Variants in LRRK2 observed in about 807,000 individuals in gnomAD.
LRRK2 encodes leucine rich repeat kinase 2, also known as leucine-rich repeat serine/threonine-protein kinase 2.
In LRRK2, 203 loss-of-function variants were observed where a neutral mutation model predicts 302.6. The observed-to-expected ratio is 0.67, with a 90% CI of 0.60 to 0.75. LRRK2 has a LOEUF of 0.75. Among genes scored for constraint, LRRK2 ranks in the 30% least tolerant of loss-of-function variants. The pLI, the probability that LRRK2 is intolerant of heterozygous loss-of-function variation, is 0.00. For missense variants in LRRK2, 2,830 were observed against 2,951.0 expected (o/e 0.96, Z 0.95); for synonymous variants, 1,066 against 1,031.9 (o/e 1.03, Z -0.63).
In LRRK2 at chr12:40,240,610, G is replaced by A. The variant is rs577327683; in HGVS notation, c.699G>A (p.Ala233=). The change falls in exon 6 of 51, where the codon GCG becomes GCA. Residue 233 remains alanine (A), a synonymous_variant. Coordinates refer to ENST00000298910, the MANE Select transcript of LRRK2 (RefSeq NM_198578.4). ...TGCTGCATTGTTTACATTCCCTAGC[G>A]ATTCCTTGTAAGTAGCATTTAAATG... ...LHVLHCLHSL[A]IPCNNVEVLM... The A allele has an allele frequency of 3.2e-5, 52 of 1,613,048 alleles. No individual in the cohort carries two copies. Among genetic ancestry groups the A allele is most frequent in the Admixed American group, 1.5e-4 (9 of 59,870 alleles).
chr12:40,326,497 A>C (rs12316801), intron 38 of LRRK2, among the ~76,000 whole-genome samples: 14,719 of 151,164 alleles, frequency 0.097, 946 homozygotes, highest in Admixed American at 0.15. Flanking sequence ...AAGAAAAAAA[A>C]AACAACTAGA....
At chr12:40,257,456 AC>A (rs1189944575) in intron 12 of LRRK2, 79 bp downstream of exon 12, 1 of 1,526,122 alleles carries the variant, frequency 6.6e-7, no homozygotes. Flanking sequence ...CATATTTCTA[AC>A]AATGAAAAGA....
Position 40,261,408 on chromosome 12 carries a change from A to G in LRRK2, c.1543+1804A>G, listed in dbSNP as rs939995667. Among the ~76,000 whole-genome samples, 5 of 152,164 alleles carry G rather than the reference A, an allele frequency of 3.3e-5. No individual in the cohort carries two copies. The East Asian group carries it at 9.6e-4, about 29-fold the overall frequency. On this transcript the variant is annotated intron_variant, in intron 13 of 50. Transcript: ENST00000298910. ...TGTTCTTAAACTGATCCTGAAGGAA[A>G]ATTGTTAGTTAACAATCAATCAGAT...
intron 39 of LRRK2, among the ~76,000 whole-genome samples, chr12:40,332,219 G>A (rs1047780686): frequency 6.6e-6 from 1 of 152,124 alleles, no homozygotes; most frequent in African/African-American, 2.4e-5. Context: ...GGCTGATGTT[G>A]GGGTCACTTC....
Position 40,287,332 on chromosome 12 carries a change from G to A in LRRK2, c.2501-19G>A, listed in dbSNP as rs199623468. ...ATAATTGTTGATTTCTAAGTTGCTG[G>A]TGTATCTCTTATTTTCAGATATAGC... On this transcript the variant is annotated intron_variant, in intron 19 of 50. Transcript: ENST00000298910. 2 of 1,580,834 alleles carry A rather than the reference G, an allele frequency of 1.3e-6. No homozygotes were observed. Among genetic ancestry groups the A allele is most frequent in the East Asian group, 4.5e-5 (2 of 44,148 alleles).
intron 30 of LRRK2, 52 bp downstream of exon 30, chr12:40,309,285 C>CGG: frequency 7.6e-7 from 1 of 1,316,670 alleles, no homozygotes; most frequent in Non-Finnish European, 1.0e-6. Context: ...TGTCTGTGTG[C>CGG]GTGTGTGTGT....
chr12:40,306,361 C>T (rs562982243), intron 28 of LRRK2, among the ~76,000 whole-genome samples: 1 of 152,236 alleles, frequency 6.6e-6, no homozygotes, highest in East Asian at 1.9e-4. Context: ...CATCTTAAAG[C>T]ATTATAGCTA....
chr12:40,350,859 G>A (rs774552904), intron 43 of LRRK2, among the ~76,000 whole-genome samples: 46 of 151,824 alleles, frequency 3.0e-4, no homozygotes, highest in Non-Finnish European at 4.3e-4. Context: ...TAACAAATAT[G>A]TATATATATG....
At chr12:40,296,904 C>A (rs7957057) in intron 23 of LRRK2, among the ~76,000 whole-genome samples, 107,581 of 151,902 alleles carry the variant, frequency 0.71, 38,334 homozygotes, top group African/African-American at 0.76. Flanking sequence ...CTCAATTTAA[C>A]TGTCACTTCA....
rs529518231 is a variant in LRRK2 at position 40,344,420 on chromosome 12, G to A, written c.6110-2333G>A. ...TCTCTTCCACATTCTAAGAAGGGAA[G>A]CATAAAGGTTGTTAATGAACTAGTG... is the stretch of plus-strand genomic sequence containing the variant. On this transcript the variant is annotated intron_variant, in intron 41 of 50. Coordinates refer to ENST00000298910, the MANE Select transcript of LRRK2 (RefSeq NM_198578.4). Among the ~76,000 whole-genome samples, 10 of 152,322 alleles carry A rather than the reference G, an allele frequency of 6.6e-5. No individual in the cohort carries two copies. In the South Asian group the frequency reaches 1.9e-3, roughly 28 times the overall value.
At chr12:40,353,845 G>A (rs909484077) in intron 44 of LRRK2, among the ~76,000 whole-genome samples, 7 of 152,242 alleles carry the variant, frequency 4.6e-5, no homozygotes, top group South Asian at 2.1e-4. Flanking sequence ...CCAGTCAGGC[G>A]TGGCGGCGCA....
At chr12:40,330,849 G>T (rs1945692511) in intron 39 of LRRK2, among the ~76,000 whole-genome samples, 1 of 152,062 alleles carries the variant, frequency 6.6e-6, no homozygotes, top group African/African-American at 2.4e-5. Flanking sequence ...TTACTTACTT[G>T]ACTGTCTCTT....
intron 41 of LRRK2, 23 bp from the exon 42 acceptor site, chr12:40,346,730 T>G (rs1169683386): frequency 6.2e-7 from 1 of 1,611,816 alleles, no homozygotes; most frequent in Non-Finnish European, 8.5e-7. Flanking sequence ...GTCATATTTA[T>G]TATTTTATCT....
At chr12:40,252,520 A>G (rs776237972) in intron 10 of LRRK2, among the ~76,000 whole-genome samples, 3 of 152,160 alleles carry the variant, frequency 2.0e-5, no homozygotes, top group East Asian at 1.9e-4. Context: ...TTTAAAATAA[A>G]TATATTATTA....
chr12:40,316,243 C>A, intron 33 of LRRK2: 2 of 703,164 alleles, frequency 2.8e-6, no homozygotes, highest in Non-Finnish European at 3.5e-6. Flanking sequence ...TTCACTCAGG[C>A]AGCCTTGAAT....
At position 40,346,648 on chromosome 12, in the gene LRRK2, T is replaced by A. The variant is rs141488310; in HGVS notation, c.6110-105T>A. 3.5e-4 allele frequency: 368 copies of A among 1,038,810 alleles called. 2 individuals carry two copies. The African/African-American group carries it at 5.2e-3, about 15-fold the overall frequency. The allele number at this position is 1,038,810 out of a possible 1,614,324, so 64.3% of individuals were successfully genotyped here. A position where few individuals can be genotyped will look rare whatever the true frequency, so the allele number is the denominator to read the frequency against. ...AAATAACACAGCCTGGTTTAGAACATCTCTTCCTGACTCTCTTATTTGGCA... is the reference window on the plus strand; with the variant it reads ...AAATAACACAGCCTGGTTTAGAACAACTCTTCCTGACTCTCTTATTTGGCA... On this transcript the variant is annotated intron_variant, in intron 41 of 50. Coordinates refer to ENST00000298910, the MANE Select transcript of LRRK2 (RefSeq NM_198578.4).
intron 25 of LRRK2, chr12:40,300,827 G>T (rs1261055593): frequency 8.5e-6 from 4 of 471,058 alleles, no homozygotes; most frequent in Middle Eastern, 3.2e-4. Flanking sequence ...AGGATGCTCT[G>T]TGGTACCTCA....
Position 40,364,900 on chromosome 12 carries a change from G to T in LRRK2, c.7240G>T (p.Val2414Leu). The T allele has an allele frequency of 1.2e-6, 2 of 1,612,478 alleles. No individual in the cohort carries two copies. The highest frequency in any genetic ancestry group is 1.7e-6 in the Non-Finnish European group (2 of 1,179,012). The change falls in exon 49 of 51, where the codon GTG becomes TTG. Residue 2414 changes from valine to leucine, a missense_variant. This residue lies in a region of LRRK2 where 456 missense variants were observed against 456.3 expected (regional missense o/e 1.00). Transcript: ENST00000298910. ...ACACAAAATGTCTTATTCTGGGAGA[G>T]TGAAAACCCTCTGCCTTCAGAAGAA... is the stretch of plus-strand genomic sequence containing the variant. ...SKHKMSYSGR[V>L]KTLCLQKNTA...
In LRRK2 at chr12:40,359,363, G is replaced by T; in HGVS notation, c.6947G>T (p.Trp2316Leu). 6.2e-7 allele frequency: 1 copy of T among 1,613,242 alleles called. No individual in the cohort carries two copies. The highest frequency in any genetic ancestry group is 8.5e-7 in the Non-Finnish European group (1 of 1,179,542). ...STNSTERNVM[W>L]GGCGTKIFSF... is the part of the protein sequence containing the mutation. ...AATTCAACGGAAAGAAATGTAATGT[G>T]GGGAGGATGTGGCACAAAGATTTTC... The change falls in exon 47 of 51, where the codon TGG becomes TTG. Residue 2316 changes from tryptophan to leucine, a missense_variant. By Grantham distance (61) the Trp-to-Leu change is moderately conservative (BLOSUM62 -2). Coordinates refer to ENST00000298910, the MANE Select transcript of LRRK2 (RefSeq NM_198578.4).
Sources: gnomAD v4.1 joint callset for allele counts (sites outside exome capture counted in the v4.1 genomes callset) on GRCh38, gnomAD v4.1.1 for gene constraint, gnomAD v4.1.1 regional missense constraint, MANE v1.5 for transcripts, NCBI Gene and HGNC (gene_info 2026-07-23, HGNC 2026-07-21) for gene names.